Variants in BCL9L observed in about 807,000 individuals in gnomAD.
BCL9L encodes the protein B-cell CLL/lymphoma 9-like protein.
BCL9L carries 19 observed loss-of-function variants against 99.4 expected under a neutral mutation model. The ratio of observed to expected loss-of-function variants is 0.19; its 90% CI spans 0.13 to 0.28. BCL9L has a LOEUF of 0.28. Among genes scored for constraint, BCL9L ranks in the 10% least tolerant of loss-of-function variants. The probability of loss-of-function intolerance (pLI) is 1.00; values close to 1 mark genes in which losing one functional copy is unlikely to be tolerated. For missense variants in BCL9L, 2,023 were observed against 2,101.6 expected, an observed-to-expected ratio of 0.96 and a Z score of 0.73; for synonymous variants, 900 against 854.8, an observed-to-expected ratio of 1.05 and a Z score of -0.92.
chr11:118,900,867 G>A lies in BCL9L; in HGVS notation c.2876C>T (p.Ser959Leu), dbSNP rs762266860. 6.2e-7 allele frequency: 1 copy of A among 1,610,304 alleles called. No homozygotes were observed. The highest frequency in any genetic ancestry group is 8.5e-7 in the Non-Finnish European group (1 of 1,177,258). Residue 959 changes from serine to leucine, a missense_variant, in exon 8 of 10, where the codon TCA becomes TTA. Physicochemically the swap from Ser to Leu is moderately radical, Grantham distance 145 (BLOSUM62 -2). Transcript: ENST00000683865. The surrounding 1 kb of genome is among the most constrained non-coding windows in gnomAD (Gnocchi z 5.3). ...SANLKSPQTP[S>L]QMVPLPSANP... ...GGCAGAAGGCAAGGGCACCATCTGT[G>A]AGGGAGTCTGGGGTGACTTGAGGTT...
Position 118,898,025 on chromosome 11 carries a change from G to C in BCL9L, c.*390C>G, listed in dbSNP as rs1256934063. 4.8e-6 allele frequency: 2 copies of C among 414,558 alleles called. No homozygotes were observed. The highest frequency in any genetic ancestry group is 9.2e-6 in the Non-Finnish European group (2 of 217,188). The allele number at this position is 414,558 out of a possible 1,614,324, so 25.7% of individuals were successfully genotyped here. A position where few individuals can be genotyped will look rare whatever the true frequency, so the allele number is the denominator to read the frequency against. ...ACACGAGGAGACAGGAGCAGAAGGG[G>C]CTGGGGGAGACCTGACCTGTCCTTC... On this transcript the variant is annotated 3_prime_UTR_variant, in exon 10 of 10. Transcript: ENST00000683865.
chr11:118,908,005 C>A (rs888565596), intron 4 of BCL9L, among the ~76,000 whole-genome samples: 1 of 152,200 alleles, frequency 6.6e-6, no homozygotes, highest in East Asian at 1.9e-4. Context: ...TCCCTCTCCC[C>A]TTCTGGAGCT....
At chr11:118,899,703 G>A (rs918663752) in intron 9 of BCL9L, among the ~76,000 whole-genome samples, 195 bp from the exon 10 acceptor site, 5 of 152,102 alleles carry the variant, frequency 3.3e-5, no homozygotes, top group Non-Finnish European at 7.4e-5. Context: ...GGCCCAGTTC[G>A]CCAGACACAC....
At position 118,902,623 on chromosome 11, in the gene BCL9L, C is replaced by T. The variant is rs569323875; in HGVS notation, c.1120G>A (p.Ala374Thr). Reference sequence around the variant, plus strand: ...TCCCCCAGCAGGGCAGGGCCGGGGGCACTGCTGGGGTCTCCTCCAGGAGGC... The same window carrying T: ...TCCCCCAGCAGGGCAGGGCCGGGGGTACTGCTGGGGTCTCCTCCAGGAGGC... ...PLPPGGDPSS[A>T]PGPALLGEAA... Residue 374 changes from alanine to threonine, a missense_variant, in exon 8 of 10, where the codon GCC (alanine) becomes ACC (threonine). Physicochemically the swap from Ala to Thr is moderately conservative, Grantham distance 58. Transcript: ENST00000683865. This position sits in a 1 kb window ranked among gnomAD's most constrained non-coding sequence, Gnocchi z 7.8. 4 of 1,599,654 alleles carry T rather than the reference C, an allele frequency of 2.5e-6. No homozygotes were observed. Among genetic ancestry groups the T allele is most frequent in the Admixed American group, 3.3e-5 (2 of 59,982 alleles).
Position 118,897,734 on chromosome 11 carries a change from A to AG in BCL9L, c.*680dup, listed in dbSNP as rs1292086418. 4.5e-6 allele frequency: 2 copies of AG among 446,926 alleles called. No individual in the cohort carries two copies. Among genetic ancestry groups the AG allele is most frequent in the South Asian group, 1.6e-5 (1 of 63,494 alleles). The allele number at this position is 446,926 out of a possible 1,614,324, so 27.7% of individuals were successfully genotyped here. Reference sequence around the variant, plus strand: ...AATGGAGGGAGCAATAACTTGAAGAAGGGGGGAAGGGTTTCTTTTATCCTT... The same window carrying AG: ...AATGGAGGGAGCAATAACTTGAAGAAGGGGGGGAAGGGTTTCTTTTATCCTT... On this transcript the variant is annotated 3_prime_UTR_variant, in exon 10 of 10. Transcript: ENST00000683865.
intron 9 of BCL9L, 113 bp from the exon 10 acceptor site, chr11:118,899,621 A>G (rs1165560058): frequency 5.9e-6 from 8 of 1,347,018 alleles, no homozygotes; most frequent in Non-Finnish European, 8.2e-6. Flanking sequence ...CAAAGTCTTC[A>G]CCACTGGCTT....
Position 118,925,869 on chromosome 11 carries a change from C to T in BCL9L, c.-762G>A, listed in dbSNP as rs1475545106. ...CGCGCGCCGCCGCCTCCCCGGGCTC[C>T]CCTGCGCTGCCGGAGCCTCGCTTGC... is the stretch of plus-strand genomic sequence containing the variant. On this transcript the variant is annotated 5_prime_UTR_variant, in exon 1 of 10. Transcript: ENST00000683865. This position sits in a 1 kb window ranked among gnomAD's most constrained non-coding sequence, Gnocchi z 6.4. 6.6e-6 allele frequency among the ~76,000 whole-genome samples: 1 copy of T among 151,884 alleles called. No homozygotes were observed. The highest frequency in any genetic ancestry group is 1.5e-5 in the Non-Finnish European group (1 of 67,930).
rs553378766 is a variant in BCL9L, at chr11:118,907,605, G to T, written c.413-3C>A. The T allele has an allele frequency of 8.7e-6, 14 of 1,611,704 alleles. No individual in the cohort carries two copies. In the South Asian group the frequency reaches 1.5e-4, roughly 18 times the overall value. On this transcript the variant is annotated splice_polypyrimidine_tract_variant and splice_region_variant and intron_variant, in intron 4 of 9. Transcript: ENST00000683865. The stretch of plus-strand genomic sequence containing the variant: ...CCGCTTACTCCGCGGCGCCACCTCT[G>T]CCCAGGCAGGACGGAGGAAAGAGTG...
In BCL9L at chr11:118,903,598, G is replaced by A; in HGVS notation, c.533-146C>T. ...AGTATCTGGTGTTCTCACCAGGCTG[G>A]TTTCCACGATGGCAAGAGTGGTGAC... On this transcript the variant is annotated intron_variant, in intron 5 of 9. Transcript: ENST00000683865. This position sits in a 1 kb window ranked among gnomAD's most constrained non-coding sequence, Gnocchi z 5.6. The A allele has an allele frequency of 1.1e-6, 1 of 930,048 alleles. No individual in the cohort carries two copies. Among genetic ancestry groups the A allele is most frequent in the South Asian group, 1.5e-5 (1 of 65,226 alleles). 57.6% of individuals were successfully genotyped at this position (930,048 alleles called of 1,614,324 possible).
intron 1 of BCL9L, among the ~76,000 whole-genome samples, chr11:118,920,122 G>A (rs117786944): frequency 6.6e-6 from 1 of 152,284 alleles, no homozygotes; most frequent in Non-Finnish European, 1.5e-5. Context: ...CCCGGCCCCA[G>A]CACTCTGCTT....
At chr11:118,907,449 G>A (rs780919105) in intron 5 of BCL9L, 34 bp downstream of exon 5, 9 of 1,613,758 alleles carry the variant, frequency 5.6e-6, no homozygotes, top group African/African-American at 2.7e-5. Flanking sequence ...GGAACATCAC[G>A]GGCTACAGCA....
chr11:118,900,681 G>C lies in BCL9L; in HGVS notation c.3062C>G (p.Ser1021Cys). 6.2e-7 allele frequency: 1 copy of C among 1,613,536 alleles called. No homozygotes were observed. The highest frequency in any genetic ancestry group is 8.5e-7 in the Non-Finnish European group (1 of 1,179,846). The part of the protein sequence containing the change: ...PKTAMPSPGV[S>C]QNKQPPLNMN... ...GTTGAGAGGCGGCTGCTTGTTCTGG[G>C]AGACCCCCGGGCTGGGCATGGCCGT... is the stretch of plus-strand genomic sequence containing the variant. The change falls in exon 8 of 10, where the codon TCC becomes TGC. Residue 1021 changes from serine to cysteine, a missense_variant. This residue lies in a region of BCL9L where 902 missense variants were observed against 888.2 expected (regional missense o/e 1.02). Coordinates refer to ENST00000683865, the MANE Select transcript of BCL9L (RefSeq NM_001378213.1). The surrounding 1 kb of genome is among the most constrained non-coding windows in gnomAD (Gnocchi z 5.3).
intron 2 of BCL9L, among the ~76,000 whole-genome samples, chr11:118,913,067 A>G (rs78951043): frequency 6.6e-6 from 1 of 152,178 alleles, no homozygotes; most frequent in Non-Finnish European, 1.5e-5. Context: ...AATCTGCTCA[A>G]GGACCAAGGT....
chr11:118,898,805 A>G lies in BCL9L; in HGVS notation c.4110T>C (p.Thr1370=). 6.2e-7 allele frequency: 1 copy of G among 1,613,868 alleles called. No individual in the cohort carries two copies. The highest frequency in any genetic ancestry group is 8.5e-7 in the Non-Finnish European group (1 of 1,179,966). The change falls in exon 10 of 10, where the codon ACT becomes ACC. Residue 1370 remains threonine, a synonymous_variant. Coordinates refer to ENST00000683865, the MANE Select transcript of BCL9L (RefSeq NM_001378213.1). ...MNLQNMMAEQ[T]PSRPPNLPGQ... is the part of the protein sequence containing the mutation. ...CTGGGAGGTTGGGAGGCCGAGAGGGAGTCTGCTCCGCCATCATGTTCTGCA... is the reference window on the plus strand; with the variant it reads ...CTGGGAGGTTGGGAGGCCGAGAGGGGGTCTGCTCCGCCATCATGTTCTGCA...
At chr11:118,916,547 G>GCACTGTCC (rs1284013507) in intron 2 of BCL9L, among the ~76,000 whole-genome samples, 1 of 152,194 alleles carries the variant, frequency 6.6e-6, no homozygotes, top group Admixed American at 6.5e-5. Flanking sequence ...ACTTTTCCTA[G>GCACTGTCC]CACTGTCCAC....
rs1011645135 is a variant in BCL9L, at chr11:118,909,925, A to G, written c.15T>C (p.Ala5=). 3.7e-6 allele frequency: 6 copies of G among 1,613,894 alleles called. No individual in the cohort carries two copies. The highest frequency in any genetic ancestry group is 5.1e-6 in the Non-Finnish European group (6 of 1,179,960). MRIL[A]NKTRLPHPRR... The stretch of plus-strand genomic sequence containing the variant: ...CGACACCCACACACCTTGTCTTGTT[A>G]GCCAGGATCCTCATGGCTCCCACAC... Residue 5 remains alanine (A), a synonymous_variant, in exon 3 of 10, where the codon GCT becomes GCC. Coordinates refer to ENST00000683865, the MANE Select transcript of BCL9L (RefSeq NM_001378213.1).
At position 118,901,740 on chromosome 11, in the gene BCL9L, C is replaced by T. The variant is rs777868228; in HGVS notation, c.2003G>A (p.Arg668Gln). 1.1e-5 allele frequency: 18 copies of T among 1,613,012 alleles called. No homozygotes were observed. The East Asian group carries it at 1.3e-4, about 12-fold the overall frequency. ...CTCACGGACCCGGGGAGTCATGAAT[C>T]GCTCCGCCTCACCCTGCCCACCTGG... ...PYPGGQGEAE[R>Q]FMTPRVREEL... Residue 668 changes from arginine to glutamine, a missense_variant, in exon 8 of 10, where the codon CGA becomes CAA. Arg to Gln is a conservative substitution (Grantham distance 43). Transcript: ENST00000683865. The surrounding 1 kb of genome is among the most constrained non-coding windows in gnomAD (Gnocchi z 6.6).
At chr11:118,915,681 C>T (rs999115615) in intron 2 of BCL9L, among the ~76,000 whole-genome samples, 1 of 152,238 alleles carries the variant, frequency 6.6e-6, no homozygotes, top group Non-Finnish European at 1.5e-5. Context: ...GAGAGCCAGC[C>T]TCCCCTCTGC....
Position 118,910,070 on chromosome 11 carries a change from G to A in BCL9L, c.-76-55C>T, listed in dbSNP as rs984716357. 2.3e-6 allele frequency: 3 copies of A among 1,293,628 alleles called. No homozygotes were observed. In the African/African-American group the frequency reaches 4.4e-5, roughly 19 times the overall value. 80.1% of individuals were successfully genotyped at this position (1,293,628 alleles called of 1,614,324 possible). A position where few individuals can be genotyped will look rare whatever the true frequency, so the allele number is the denominator to read the frequency against. ...CGTGACTTGGGGAGGGGGTGTCAGA[G>A]GGGGAGGGGAGAAGGGAGGACCCAA... On this transcript the variant is annotated intron_variant, in intron 2 of 9. Transcript: ENST00000683865.
Sources: allele counts gnomAD v4.1 joint callset (sites outside exome capture counted in the v4.1 genomes callset), GRCh38; gene constraint gnomAD v4.1.1; regional missense constraint gnomAD v4.1.1; non-coding constraint Gnocchi (gnomAD v3.1); transcripts MANE v1.5; gene names NCBI Gene and HGNC (gene_info 2026-07-23, HGNC 2026-07-21).